SHISA9: variants seen among roughly 807,000 people sequenced by gnomAD.
SHISA9 encodes the protein protein shisa-9.
In SHISA9, 13 loss-of-function variants were observed where a neutral mutation model predicts 38.0. The observed-to-expected ratio is 0.34, with a 90% CI of 0.22 to 0.54. SHISA9 has a LOEUF of 0.54. SHISA9 is among the 20% of genes least tolerant of loss of function. The pLI, the probability that SHISA9 is intolerant of heterozygous loss-of-function variation, is 0.91. For missense variants in SHISA9, 538 were observed against 575.8 expected (o/e 0.93, Z 0.67); for synonymous variants, 275 against 242.0 (o/e 1.14, Z -1.27).
At chr16:13,283,899 C>G in the SHISA9 span, among the ~76,000 whole-genome samples, 6 of 152,196 alleles carry the variant, frequency 3.9e-5, no homozygotes, top group African/African-American at 1.4e-4. Context: ...CCATTTTCAA[C>G]CCTAACTTTT....
At chr16:12,921,120 A>T (rs1465014857) in intron 2 of SHISA9, among the ~76,000 whole-genome samples, 2 of 152,240 alleles carry the variant, frequency 1.3e-5, no homozygotes, top group Non-Finnish European at 2.9e-5. Flanking sequence ...AGACTTTCAT[A>T]TTCCATATAC....
chr16:12,937,701 C>A (rs182065085), intron 2 of SHISA9, among the ~76,000 whole-genome samples: 8 of 152,280 alleles, frequency 5.3e-5, no homozygotes, highest in East Asian at 3.9e-4. Flanking sequence ...GATAAGGGGA[C>A]CCACCCTGTG....
the SHISA9 span, among the ~76,000 whole-genome samples, chr16:13,384,288 C>T: frequency 6.6e-6 from 1 of 152,090 alleles, no homozygotes; most frequent in African/African-American, 2.4e-5. Flanking sequence ...CACTCCATTC[C>T]CCATGGTCAG....
At chr16:13,216,162 G>C (rs1248477743) in intron 4 of SHISA9, among the ~76,000 whole-genome samples, 5 of 142,784 alleles carry the variant, frequency 3.5e-5, no homozygotes, top group Non-Finnish European at 6.0e-5. Flanking sequence ...ACTCCACCCT[G>C]GGCGGCAGAG....
the SHISA9 span, among the ~76,000 whole-genome samples, chr16:13,425,383 A>G: frequency 2.0e-5 from 3 of 152,366 alleles, no homozygotes; most frequent in East Asian, 5.8e-4. Context: ...GCTACTCAGA[A>G]GGCTGAGGCA....
At chr16:13,175,009 C>G (rs2050719289) in intron 2 of SHISA9, among the ~76,000 whole-genome samples, 1 of 152,186 alleles carries the variant, frequency 6.6e-6, no homozygotes, top group Non-Finnish European at 1.5e-5. Flanking sequence ...GAAATAATCT[C>G]AGCTTCAGTC....
the SHISA9 span, among the ~76,000 whole-genome samples, chr16:13,497,442 T>C: frequency 3.1e-4 from 47 of 151,974 alleles, no homozygotes; most frequent in Non-Finnish European, 6.0e-4. Context: ...TCCCAGCACT[T>C]TGGGAGGCCG....
At chr16:13,019,770 T>TTC (rs1168857982) in intron 2 of SHISA9, among the ~76,000 whole-genome samples, 1 of 58,886 alleles carries the variant, frequency 1.7e-5, no homozygotes, top group Admixed American at 1.5e-4. Flanking sequence ...TTTCTTTTCT[T>TTC]TCTTTCTTTC....
chr16:12,998,534 A>G (rs1490219891), intron 2 of SHISA9, among the ~76,000 whole-genome samples: 1 of 151,878 alleles, frequency 6.6e-6, no homozygotes, highest in East Asian at 1.9e-4. Context: ...ACTTATTCTT[A>G]TTTATTTATT....
At chr16:13,228,627 G>A (rs1480245164) in intron 4 of SHISA9, among the ~76,000 whole-genome samples, 1 of 152,118 alleles carries the variant, frequency 6.6e-6, no homozygotes, top group African/African-American at 2.4e-5. Context: ...ATTACTGGGA[G>A]GAAAGTGAGA....
chr16:13,151,249 G>C (rs1302692491), intron 2 of SHISA9, among the ~76,000 whole-genome samples: 1 of 152,124 alleles, frequency 6.6e-6, no homozygotes, highest in African/African-American at 2.4e-5. Flanking sequence ...TGGGATTTCA[G>C]GCGCCCGCCA....
intron 2 of SHISA9, among the ~76,000 whole-genome samples, chr16:12,953,910 G>T (rs1191976902): frequency 6.6e-6 from 1 of 152,158 alleles, no homozygotes; most frequent in Non-Finnish European, 1.5e-5. Flanking sequence ...AAAACCATCA[G>T]CTCTTGTGAG....
intron 2 of SHISA9, among the ~76,000 whole-genome samples, chr16:12,949,122 C>T (rs2071723238): frequency 6.6e-6 from 1 of 152,146 alleles, no homozygotes; most frequent in African/African-American, 2.4e-5. Flanking sequence ...CCTTCTCTCC[C>T]TGTATTAAGA....
At chr16:13,269,940 G>C in the SHISA9 span, among the ~76,000 whole-genome samples, 1 of 152,266 alleles carries the variant, frequency 6.6e-6, no homozygotes, top group African/African-American at 2.4e-5. Context: ...TTCCCCACTA[G>C]CGAGGCTGAC....
At chr16:13,121,979 T>A (rs114037417) in intron 2 of SHISA9, among the ~76,000 whole-genome samples, 1,632 of 152,106 alleles carry the variant, frequency 0.011, 35 homozygotes, top group African/African-American at 0.038. Flanking sequence ...CCGTGAGGAT[T>A]GAGTGATACT....
At chr16:13,182,229 G>A (rs1240383650) in intron 2 of SHISA9, among the ~76,000 whole-genome samples, 2 of 152,174 alleles carry the variant, frequency 1.3e-5, no homozygotes, top group African/African-American at 4.8e-5. Flanking sequence ...TAAAATAAGT[G>A]TCATTATTCT....
chr16:13,510,837 C>T, the SHISA9 span, among the ~76,000 whole-genome samples: 1 of 151,874 alleles, frequency 6.6e-6, no homozygotes, highest in African/African-American at 2.4e-5. Context: ...ATTGTCATCT[C>T]TGCAATCAAG....
In SHISA9 at chr16:12,910,566, C is replaced by T. The variant is rs913214994; in HGVS notation, c.564-6122C>T. 14 of 985,248 alleles carry T rather than the reference C, an allele frequency of 1.4e-5. No homozygotes were observed. In the African/African-American group the frequency reaches 1.7e-4, roughly 12 times the overall value. 61.0% of individuals were successfully genotyped at this position (985,248 alleles called of 1,614,324 possible). On this transcript the variant is annotated intron_variant, in intron 1 of 4. Transcript: ENST00000558583. ...TTCTAGTACTAGCTTTCAGTACTCTCTTGTGAAATTTTCAATATTCAGTCA... is the reference window on the plus strand; with the variant it reads ...TTCTAGTACTAGCTTTCAGTACTCTTTTGTGAAATTTTCAATATTCAGTCA...
downstream of SHISA9, among the ~76,000 whole-genome samples, chr16:13,245,056 C>T (rs1171746710): frequency 2.0e-5 from 3 of 152,116 alleles, no homozygotes; most frequent in African/African-American, 7.2e-5. Context: ...GCTGGGACTA[C>T]AGGTACGTGC....
Sources: gnomAD v4.1 joint callset for allele counts (sites outside exome capture counted in the v4.1 genomes callset) on GRCh38, gnomAD v4.1.1 for gene constraint, MANE v1.5 for transcripts, NCBI Gene and HGNC (gene_info 2026-07-23, HGNC 2026-07-21) for gene names.